Variants in ZNF664 observed in about 807,000 individuals in gnomAD.
ZNF664 encodes the protein zinc finger Organ of Corti 1.
ZNF664 carries 10 observed loss-of-function variants against 18.2 expected under a neutral mutation model. The ratio of observed to expected loss-of-function variants is 0.55; its 90% CI spans 0.34 to 0.93. The LOEUF is 0.93. Ranked by LOEUF, ZNF664 falls within the 40% of genes least tolerant of loss-of-function variation. The pLI, the probability that ZNF664 is intolerant of heterozygous loss-of-function variation, is 0.02. For synonymous variants in ZNF664, 119 were observed against 104.2 expected (o/e 1.14, Z -0.86); for missense variants, 193 against 319.0 (o/e 0.61, Z 3.01).
intron 2 of ZNF664, among the ~76,000 whole-genome samples, chr12:123,981,204 T>TG (rs1311649729): frequency 3.3e-5 from 5 of 152,034 alleles, no homozygotes; most frequent in South Asian, 2.1e-4. Context: ...ACCTTTGTGA[T>TG]GGGGGGAAGT....
In ZNF664 at chr12:124,011,998, T is replaced by C; in HGVS notation, c.-147T>C. 1.4e-6 allele frequency: 2 copies of C among 1,439,204 alleles called. No individual in the cohort carries two copies. Among genetic ancestry groups the C allele is most frequent in the Non-Finnish European group, 1.8e-6 (2 of 1,105,362 alleles). The allele number at this position is 1,439,204 out of a possible 1,614,324, so 89.2% of individuals were successfully genotyped here. A position where few individuals can be genotyped will look rare whatever the true frequency, so the allele number is the denominator to read the frequency against. On this transcript the variant is annotated 5_prime_UTR_variant, in exon 5 of 5. Transcript: ENST00000337815. Reference sequence around the variant, plus strand: ...GTAGAAAGACAGGCAGGGAAAAGCTTAGGCTGACCTTAAACTTACCTAATA... The same window carrying C: ...GTAGAAAGACAGGCAGGGAAAAGCTCAGGCTGACCTTAAACTTACCTAATA...
Position 124,012,422 on chromosome 12 carries a change from G to A in ZNF664, c.278G>A (p.Gly93Asp). ...VEKPYKCYEC[G>D]KAFNWSSHLQ... ...AAGCCCTATAAATGTTACGAGTGTG[G>A]CAAAGCCTTCAATTGGAGCTCCCAT... is the stretch of plus-strand genomic sequence containing the variant. The change falls in exon 5 of 5, where the codon GGC becomes GAC. Residue 93 changes from glycine (G) to aspartate (D), a missense_variant. By Grantham distance (94) the Gly-to-Asp change is moderately conservative (BLOSUM62 -1). Transcript: ENST00000337815. The A allele has an allele frequency of 1.2e-6, 2 of 1,614,232 alleles. No individual in the cohort carries two copies. The highest frequency in any genetic ancestry group is 1.7e-6 in the Non-Finnish European group (2 of 1,180,058).
At position 123,973,303 on chromosome 12, in the gene ZNF664, G is replaced by C; in HGVS notation, c.-941G>C. 1 of 984,396 alleles carries C rather than the reference G, an allele frequency of 1.0e-6. No individual in the cohort carries two copies. The highest frequency in any genetic ancestry group is 4.7e-5 in the South Asian group (1 of 21,290). The allele number at this position is 984,396 out of a possible 1,614,324, so 61.0% of individuals were successfully genotyped here. A position where few individuals can be genotyped will look rare whatever the true frequency, so the allele number is the denominator to read the frequency against. On this transcript the variant is annotated 5_prime_UTR_variant, in exon 1 of 5. Transcript: ENST00000337815. ...TGTGAGGTGTCCCTGAGGAGAGGGA[G>C]GTGGGTGCGCGGCGCCCGCGGCCTG...
chr12:123,988,945 AAG>A (rs1435569565), intron 3 of ZNF664, among the ~76,000 whole-genome samples: 1 of 152,210 alleles, frequency 6.6e-6, no homozygotes, highest in Non-Finnish European at 1.5e-5. Flanking sequence ...GCTGGGCAGG[AAG>A]AGAAAGGAAA....
chr12:123,987,283 A>AT (rs537020214), intron 2 of ZNF664, among the ~76,000 whole-genome samples: 8 of 152,208 alleles, frequency 5.3e-5, no homozygotes, highest in Non-Finnish European at 8.8e-5. Context: ...GTTCCTTAAT[A>AT]TATCATAACT....
intron 3 of ZNF664, among the ~76,000 whole-genome samples, chr12:124,005,665 C>G (rs991800535): frequency 1.3e-5 from 2 of 152,174 alleles, no homozygotes; most frequent in African/African-American, 4.8e-5. Context: ...CTGTTCCCTT[C>G]TCTTGGGAAT....
intron 2 of ZNF664, among the ~76,000 whole-genome samples, chr12:123,982,728 C>G (rs1376836693): frequency 2.0e-5 from 3 of 152,334 alleles, no homozygotes; most frequent in Admixed American, 1.3e-4. Flanking sequence ...CGAGGACACT[C>G]AGGAGAGACG....
intron 3 of ZNF664, among the ~76,000 whole-genome samples, chr12:123,997,391 C>G (rs1956962407): frequency 6.6e-6 from 1 of 152,212 alleles, no homozygotes; most frequent in South Asian, 2.1e-4. Context: ...TATTGTCTCA[C>G]AGTTCTGGAG....
intron 3 of ZNF664, 191 bp from the exon 4 acceptor site, chr12:124,011,190 G>C (rs530752816): frequency 5.0e-6 from 3 of 604,946 alleles, no homozygotes; most frequent in Non-Finnish European, 6.2e-6. Context: ...AGTGGAGATC[G>C]TTTTCATTGT....
intron 3 of ZNF664, among the ~76,000 whole-genome samples, chr12:123,993,742 A>G (rs998523152): frequency 6.6e-6 from 1 of 152,182 alleles, no homozygotes; most frequent in Non-Finnish European, 1.5e-5. Context: ...AGGCCTGTAG[A>G]AAAAGGCTGA....
At chr12:124,008,632 G>T (rs1015529726) in intron 3 of ZNF664, among the ~76,000 whole-genome samples, 27 of 152,192 alleles carry the variant, frequency 1.8e-4, no homozygotes, top group African/African-American at 5.8e-4. Context: ...TGGGCCCCTA[G>T]TTAATTCCAA....
intron 1 of ZNF664, 135 bp downstream of exon 1, chr12:123,973,487 G>C: frequency 1.9e-6 from 1 of 525,276 alleles, no homozygotes; most frequent in South Asian, 8.2e-5. Flanking sequence ...CATCCCGGAG[G>C]ATGGGCCTCG....
At chr12:123,973,443 G>A (rs1465901781) in intron 1 of ZNF664, 91 bp downstream of exon 1, 66 of 757,466 alleles carry the variant, frequency 8.7e-5, no homozygotes, top group Non-Finnish European at 1.1e-4. Context: ...GGGTGGGAAG[G>A]AGGTGGAGTG....
chr12:124,001,394 A>T (rs1957010252), intron 3 of ZNF664, among the ~76,000 whole-genome samples: 1 of 152,224 alleles, frequency 6.6e-6, no homozygotes, highest in South Asian at 2.1e-4. Flanking sequence ...GGAGGCTTCC[A>T]CTGCTACTAA....
At chr12:123,973,710 C>G in intron 1 of ZNF664, 176 bp from the exon 2 acceptor site, 1 of 1,119,572 alleles carries the variant, frequency 8.9e-7, no homozygotes, top group Non-Finnish European at 1.1e-6. Context: ...GAGCCAGGCT[C>G]CATTGTTGTT....
At chr12:124,000,238 A>T (rs1012584932) in intron 3 of ZNF664, among the ~76,000 whole-genome samples, 1 of 151,618 alleles carries the variant, frequency 6.6e-6, no homozygotes, top group Non-Finnish European at 1.5e-5. Flanking sequence ...ATCTCACACC[A>T]CCTCTGTTCT....
At chr12:123,989,345 C>T (rs1252490962) in intron 3 of ZNF664, 2 of 152,352 alleles carry the variant, frequency 1.3e-5, no homozygotes, top group African/African-American at 4.8e-5. Flanking sequence ...CAAGTGGACC[C>T]TGGCACAAGG....
chr12:123,982,106 G>A lies in ZNF664; in HGVS notation c.-756-5937G>A, dbSNP rs574101427. 1.3e-4 allele frequency among the ~76,000 whole-genome samples: 20 copies of A among 152,270 alleles called. No individual in the cohort carries two copies. In the South Asian group the frequency reaches 3.5e-3, roughly 27 times the overall value. ...CAGAGTACACCTGACTTCTGGGAGTGATTTCTCTTCATCTTGGTAAACTGG... is the reference window on the plus strand; with the variant it reads ...CAGAGTACACCTGACTTCTGGGAGTAATTTCTCTTCATCTTGGTAAACTGG... On this transcript the variant is annotated intron_variant, in intron 2 of 4. Coordinates refer to ENST00000337815, the MANE Select transcript of ZNF664 (RefSeq NM_152437.3).
chr12:123,982,011 C>T (rs1186730424), intron 2 of ZNF664, among the ~76,000 whole-genome samples: 1 of 152,222 alleles, frequency 6.6e-6, no homozygotes, highest in African/African-American at 2.4e-5. Flanking sequence ...TGGGTAGACT[C>T]TTGCCTCTCT....
Sources: allele counts gnomAD v4.1 joint callset (sites outside exome capture counted in the v4.1 genomes callset), GRCh38; gene constraint gnomAD v4.1.1; transcripts MANE v1.5; gene names NCBI Gene and HGNC (gene_info 2026-07-23, HGNC 2026-07-21).